Variants in CHCHD3 observed in about 807,000 individuals in gnomAD.
CHCHD3 encodes coiled-coil-helix-coiled-coil-helix domain containing 3.
In CHCHD3, 20 loss-of-function variants were observed where a neutral mutation model predicts 38.2. The observed-to-expected ratio is 0.52, with a 90% confidence interval of 0.37 to 0.76. The LOEUF (loss-of-function observed/expected upper bound fraction) is 0.76. Ranked by LOEUF, CHCHD3 falls within the 30% of genes least tolerant of loss-of-function variation. The probability of loss-of-function intolerance (pLI) is 0.00; values close to 1 mark genes in which losing one functional copy is unlikely to be tolerated. For missense variants in CHCHD3, 245 were observed against 279.2 expected, an observed-to-expected ratio of 0.88 and a Z score of 0.87; for synonymous variants, 82 against 100.0, an observed-to-expected ratio of 0.82 and a Z score of 1.07.
At chr7:132,901,958 T>A (rs1809681436) in intron 4 of CHCHD3, among the ~76,000 whole-genome samples, 1 of 152,210 alleles carries the variant, frequency 6.6e-6, no homozygotes, top group Admixed American at 6.5e-5. Flanking sequence ...TTTTTATGGT[T>A]TTAGGTCTAA....
At chr7:132,893,387 C>G (rs978210339) in intron 4 of CHCHD3, among the ~76,000 whole-genome samples, 3 of 152,178 alleles carry the variant, frequency 2.0e-5, no homozygotes, top group African/African-American at 4.8e-5. Flanking sequence ...CCCACTTTAT[C>G]TTGGAAGTAA....
At position 133,027,354 on chromosome 7, in the gene CHCHD3, A is replaced by G. The variant is rs554615279; in HGVS notation, c.170-2727T>C. Among the ~76,000 whole-genome samples, 8 of 120,642 alleles carry G rather than the reference A, an allele frequency of 6.6e-5. No individual in the cohort carries two copies. The South Asian group carries it at 2.5e-3, about 38-fold the overall frequency. 79.1% of individuals were successfully genotyped at this position (120,642 alleles called of 152,430 possible). The stretch of plus-strand genomic sequence containing the variant: ...ATTATGATATGCTAAATGTACCTTA[A>G]TAAGTTGTAAGAGAGAGAGAGAGAG... On this transcript the variant is annotated intron_variant, in intron 2 of 7. Coordinates refer to ENST00000262570, the MANE Select transcript of CHCHD3 (RefSeq NM_017812.4).
chr7:132,931,038 ACCCCGGAAGCACTAATACAGCACT>A (rs1224799648), intron 4 of CHCHD3, among the ~76,000 whole-genome samples: 1 of 152,048 alleles, frequency 6.6e-6, no homozygotes, highest in Non-Finnish European at 1.5e-5. Flanking sequence ...TTGCTTTGTA[ACCCCGGAAGCACTAATACAGCACT>A]CACCACATAG....
chr7:132,817,437 A>T (rs1046390622), intron 6 of CHCHD3, among the ~76,000 whole-genome samples: 3 of 152,134 alleles, frequency 2.0e-5, no homozygotes, highest in Non-Finnish European at 2.9e-5. Flanking sequence ...AATGAGGCAA[A>T]GTGATGACTA....
chr7:132,802,964 CCTTT>C (rs1333419186), intron 6 of CHCHD3, among the ~76,000 whole-genome samples: 1 of 152,096 alleles, frequency 6.6e-6, no homozygotes, highest in African/African-American at 2.4e-5. Flanking sequence ...TCCCTCCCTC[CCTTT>C]CTTTCTTAAC....
At chr7:133,010,385 G>A (rs923401896) in intron 3 of CHCHD3, among the ~76,000 whole-genome samples, 3 of 152,066 alleles carry the variant, frequency 2.0e-5, no homozygotes, top group Non-Finnish European at 4.4e-5. Context: ...TATGCACAGC[G>A]CACAGTACAC....
chr7:132,939,508 C>CTA lies in CHCHD3; in HGVS notation c.369+35659_369+35660dup, dbSNP rs1026671870. Among the ~76,000 whole-genome samples, 9 of 152,168 alleles carry CTA rather than the reference C, an allele frequency of 5.9e-5. No individual in the cohort carries two copies. In the East Asian group the frequency reaches 1.7e-3, roughly 29 times the overall value. ...AGGTTTGTAGCCTAGGAGCAACAGG[C>CTA]TATACTATTTAGCCTAGGTGTGTAG... On this transcript the variant is annotated intron_variant, in intron 4 of 7. Transcript: ENST00000262570.
At chr7:132,873,045 G>A (rs1361557317) in intron 5 of CHCHD3, among the ~76,000 whole-genome samples, 1 of 151,828 alleles carries the variant, frequency 6.6e-6, no homozygotes, top group African/African-American at 2.4e-5. Flanking sequence ...AGCCGAGATC[G>A]CACCACTGCA....
At chr7:132,981,067 C>T (rs557028013) in intron 3 of CHCHD3, among the ~76,000 whole-genome samples, 1 of 152,236 alleles carries the variant, frequency 6.6e-6, no homozygotes, top group South Asian at 2.1e-4. Flanking sequence ...CTCACTGCAA[C>T]CTCTGCCTCC....
intron 4 of CHCHD3, among the ~76,000 whole-genome samples, chr7:132,903,633 T>C (rs1809724001): frequency 6.6e-6 from 1 of 152,202 alleles, no homozygotes; most frequent in African/African-American, 2.4e-5. Flanking sequence ...TCGTTTGGTC[T>C]TGCCTTCTGG....
chr7:132,873,328 T>C (rs1414982666), intron 5 of CHCHD3, among the ~76,000 whole-genome samples: 6 of 152,108 alleles, frequency 3.9e-5, no homozygotes, highest in Admixed American at 3.9e-4. Context: ...CTTCCCCTAA[T>C]GGTTTGTTCT....
At chr7:132,919,599 A>T (rs1810208786) in intron 4 of CHCHD3, among the ~76,000 whole-genome samples, 2 of 152,232 alleles carry the variant, frequency 1.3e-5, no homozygotes, top group Admixed American at 6.5e-5. Context: ...AGAGACAGGA[A>T]AAGATCTAAG....
chr7:132,795,130 G>A (rs773021359), intron 7 of CHCHD3, among the ~76,000 whole-genome samples: 8 of 152,158 alleles, frequency 5.3e-5, no homozygotes, highest in Non-Finnish European at 1.2e-4. Context: ...GTATGTTAGA[G>A]ACCAGCATTG....
intron 3 of CHCHD3, among the ~76,000 whole-genome samples, chr7:132,992,028 C>G (rs532769666): frequency 2.0e-5 from 3 of 152,104 alleles, no homozygotes; most frequent in Non-Finnish European, 4.4e-5. Flanking sequence ...GTGGAGCTGG[C>G]GGGGAAGGCA....
intron 4 of CHCHD3, among the ~76,000 whole-genome samples, chr7:132,953,149 T>C (rs777625505): frequency 2.6e-5 from 4 of 152,216 alleles, no homozygotes; most frequent in South Asian, 2.1e-4. Flanking sequence ...ATGAGCCTTA[T>C]AGAGTCCTTC....
chr7:132,815,639 GA>G, intron 6 of CHCHD3: 1 of 451,064 alleles, frequency 2.2e-6, no homozygotes, highest in Non-Finnish European at 4.4e-6. Context: ...CTGCTGGTAG[GA>G]AAAAAAGTGA....
chr7:133,017,715 T>A (rs1584646279), intron 3 of CHCHD3, among the ~76,000 whole-genome samples: 1 of 152,300 alleles, frequency 6.6e-6, no homozygotes, highest in African/African-American at 2.4e-5. Context: ...GATATTAACA[T>A]GTAAAAATAT....
chr7:132,838,171 CT>C, intron 6 of CHCHD3, among the ~76,000 whole-genome samples: 1 of 152,110 alleles, frequency 6.6e-6, no homozygotes, highest in African/African-American at 2.4e-5. Flanking sequence ...CAATTTCCCC[CT>C]AGTTCATAAA....
intron 6 of CHCHD3, among the ~76,000 whole-genome samples, chr7:132,798,799 G>A (rs948863340): frequency 1.3e-5 from 2 of 152,152 alleles, no homozygotes; most frequent in African/African-American, 4.8e-5. Flanking sequence ...GTCTACTCAC[G>A]ATGGGATAAT....
Sources: allele counts gnomAD v4.1 joint callset (sites outside exome capture counted in the v4.1 genomes callset), GRCh38; gene constraint gnomAD v4.1.1; transcripts MANE v1.5; gene names NCBI Gene and HGNC (gene_info 2026-07-23, HGNC 2026-07-21).